The following ST6GALNAC3 variants were observed in gnomAD, a reference collection of about 807,000 sequenced individuals.
The protein encoded by ST6GALNAC3 is ST6 N-acetylgalactosaminide alpha-2,6-sialyltransferase 3.
A neutral mutation model predicts 32.7 loss-of-function variants in ST6GALNAC3; 25 were observed. The ratio of observed to expected loss-of-function variants is 0.76; its 90% confidence interval spans 0.56 to 1.07. The LOEUF (loss-of-function observed/expected upper bound fraction) is 1.07. ST6GALNAC3 is among the 50% of genes least tolerant of loss of function. ST6GALNAC3 has a pLI of 0.00. For synonymous variants in ST6GALNAC3, 129 were observed against 133.1 expected, an observed-to-expected ratio of 0.97 and a Z score of 0.21; for missense variants, 355 against 382.4, an observed-to-expected ratio of 0.93 and a Z score of 0.60.
chr1:76,473,876 T>A (rs1387236733), intron 3 of ST6GALNAC3, among the ~76,000 whole-genome samples: 1 of 152,166 alleles, frequency 6.6e-6, no homozygotes, highest in African/African-American at 2.4e-5. Context: ...ACAGTGTGAC[T>A]TCTGTGCCTA....
intron 3 of ST6GALNAC3, among the ~76,000 whole-genome samples, chr1:76,532,215 T>G (rs976299736): frequency 6.6e-6 from 1 of 152,182 alleles, no homozygotes; most frequent in Non-Finnish European, 1.5e-5. Context: ...GCCTGCCATT[T>G]TCACCCACCC....
intron 1 of ST6GALNAC3, among the ~76,000 whole-genome samples, chr1:76,161,945 A>AG (rs1401181442): frequency 1.3e-5 from 2 of 152,244 alleles, no homozygotes; most frequent in Admixed American, 6.5e-5. Context: ...ACTGAAGATC[A>AG]GGGTTGGTCA....
At chr1:76,517,323 G>A (rs1029060218) in intron 3 of ST6GALNAC3, among the ~76,000 whole-genome samples, 3 of 151,324 alleles carry the variant, frequency 2.0e-5, no homozygotes, top group African/African-American at 7.3e-5. Flanking sequence ...ATGTTTATGT[G>A]TTTTAATGTC....
chr1:76,421,379 A>G (rs1168372651), intron 3 of ST6GALNAC3, among the ~76,000 whole-genome samples: 2 of 152,056 alleles, frequency 1.3e-5, no homozygotes, highest in East Asian at 1.9e-4. Flanking sequence ...TAACTGGCAG[A>G]GCCATTCCTC....
chr1:76,342,180 G>C (rs1648098248), intron 2 of ST6GALNAC3, among the ~76,000 whole-genome samples: 1 of 152,140 alleles, frequency 6.6e-6, no homozygotes, highest in Non-Finnish European at 1.5e-5. Flanking sequence ...ACGTGTGTAT[G>C]TGTCTTTATA....
intron 3 of ST6GALNAC3, among the ~76,000 whole-genome samples, chr1:76,515,386 G>GT (rs1056579886): frequency 4.6e-5 from 7 of 151,418 alleles, no homozygotes; most frequent in East Asian, 2.0e-4. Context: ...CTCTTTTGTT[G>GT]TTTTTTTTAA....
chr1:76,608,892 G>A (rs1647741904), intron 3 of ST6GALNAC3, among the ~76,000 whole-genome samples: 1 of 151,990 alleles, frequency 6.6e-6, no homozygotes, highest in Non-Finnish European at 1.5e-5. Context: ...CTCCCATTTA[G>A]TAAAACTGGT....
At chr1:76,623,168 G>T (rs1048929054) in intron 3 of ST6GALNAC3, among the ~76,000 whole-genome samples, 2 of 151,906 alleles carry the variant, frequency 1.3e-5, no homozygotes, top group African/African-American at 2.4e-5. Context: ...ATGAAAGGTC[G>T]TATCTTAAAT....
At chr1:76,494,262 C>A (rs2101701611) in intron 3 of ST6GALNAC3, among the ~76,000 whole-genome samples, 3 of 151,294 alleles carry the variant, frequency 2.0e-5, no homozygotes, top group Middle Eastern at 3.4e-3. Context: ...GTGGGGAAAC[C>A]TATTTTTAGG....
intron 1 of ST6GALNAC3, among the ~76,000 whole-genome samples, chr1:76,203,403 C>T (rs565332182): frequency 4.6e-5 from 7 of 152,222 alleles, no homozygotes; most frequent in East Asian, 3.9e-4. Context: ...CATTAGTCTG[C>T]GGTTGGTAAG....
intron 3 of ST6GALNAC3, among the ~76,000 whole-genome samples, chr1:76,494,550 A>ACACACAC (rs1660718850): frequency 1.6e-5 from 1 of 63,810 alleles, no homozygotes; most frequent in African/African-American, 5.6e-5. Flanking sequence ...CATGTGTATA[A>ACACACAC]ACACACACAC....
At chr1:76,505,190 C>A (rs1661403493) in intron 3 of ST6GALNAC3, among the ~76,000 whole-genome samples, 1 of 151,466 alleles carries the variant, frequency 6.6e-6, no homozygotes, top group South Asian at 2.1e-4. Flanking sequence ...GAGGCGCGGT[C>A]TCAGCTCACT....
intron 1 of ST6GALNAC3, among the ~76,000 whole-genome samples, chr1:76,302,513 TTTTC>T (rs1660786482): frequency 6.6e-6 from 1 of 152,058 alleles, no homozygotes; most frequent in African/African-American, 2.4e-5. Flanking sequence ...CCCATCTTAC[TTTTC>T]TTTCTTATTC....
At chr1:76,607,665 G>GT (rs1392985050) in intron 3 of ST6GALNAC3, among the ~76,000 whole-genome samples, 1 of 152,132 alleles carries the variant, frequency 6.6e-6, no homozygotes, top group Non-Finnish European at 1.5e-5. Flanking sequence ...AAGATCAAAT[G>GT]TTTATTTCTT....
At chr1:76,080,528 A>G (rs963460407) in intron 1 of ST6GALNAC3, among the ~76,000 whole-genome samples, 1 of 151,602 alleles carries the variant, frequency 6.6e-6, no homozygotes, top group Non-Finnish European at 1.5e-5. Flanking sequence ...GGGGATGGGG[A>G]GATGAGAGAA....
At chr1:76,245,758 G>C (rs1252525137) in intron 1 of ST6GALNAC3, among the ~76,000 whole-genome samples, 2 of 151,710 alleles carry the variant, frequency 1.3e-5, no homozygotes, top group Non-Finnish European at 3.0e-5. Context: ...TAATTTGATT[G>C]CATTGTGGTT....
At chr1:76,142,038 C>T (rs1222624847) in intron 1 of ST6GALNAC3, among the ~76,000 whole-genome samples, 1 of 152,126 alleles carries the variant, frequency 6.6e-6, no homozygotes, top group Non-Finnish European at 1.5e-5. Flanking sequence ...GTGGAGGATT[C>T]TTTAGAGAGG....
At chr1:76,077,531 A>T (rs546710659) in intron 1 of ST6GALNAC3, among the ~76,000 whole-genome samples, 1 of 152,342 alleles carries the variant, frequency 6.6e-6, no homozygotes, top group African/African-American at 2.4e-5. Flanking sequence ...TTAATAGAGA[A>T]GGATAAATTG....
At chr1:76,432,068 C>T (rs1266155513) in intron 3 of ST6GALNAC3, among the ~76,000 whole-genome samples, 1 of 152,074 alleles carries the variant, frequency 6.6e-6, no homozygotes, top group Non-Finnish European at 1.5e-5. Context: ...ATGTCATATA[C>T]TTGGAATCAT....
Sources: allele counts gnomAD v4.1 joint callset (sites outside exome capture counted in the v4.1 genomes callset), GRCh38; gene constraint gnomAD v4.1.1; transcripts MANE v1.5; gene names NCBI Gene and HGNC (gene_info 2026-07-23, HGNC 2026-07-21).